The following CC2D2A variants were observed in gnomAD, a reference collection of about 807,000 sequenced individuals.
CC2D2A encodes the protein coiled-coil and C2 domain-containing protein 2A.
Under a neutral mutation model 212.9 loss-of-function variants are expected in CC2D2A, and 155 were observed. The ratio of observed to expected loss-of-function variants is 0.73; its 90% CI spans 0.64 to 0.83. The LOEUF (loss-of-function observed/expected upper bound fraction) is 0.83. CC2D2A is among the 40% of genes least tolerant of loss of function. The probability of loss-of-function intolerance (pLI) is 0.00; values close to 1 mark genes in which losing one functional copy is unlikely to be tolerated. For missense variants in CC2D2A, 1,856 were observed against 1,956.2 expected, an observed-to-expected ratio of 0.95 and a Z score of 0.97; for synonymous variants, 667 against 686.5, an observed-to-expected ratio of 0.97 and a Z score of 0.44.
chr4:15,502,029 C>G (rs111877356), intron 4 of CC2D2A, among the ~76,000 whole-genome samples: 20 of 152,308 alleles, frequency 1.3e-4, no homozygotes, highest in Non-Finnish European at 2.8e-4. Context: ...TCATTAGCCA[C>G]CCATTCACCC....
In CC2D2A at chr4:15,569,346, T is replaced by C. The variant is rs863225170; in HGVS notation, c.3452T>C (p.Val1151Ala). The change falls in exon 27 of 37, where the codon GTG becomes GCG. Residue 1151 changes from valine to alanine, a missense_variant. Physicochemically the swap from Val to Ala is moderately conservative, Grantham distance 64 (BLOSUM62 0). Transcript: ENST00000424120. ...TASLQSVKDV[V>A]FINIFDEVLH... The stretch of plus-strand genomic sequence containing the variant: ...AGTCTGCAGTCAGTGAAAGATGTTG[T>C]GTTCATTAACATTTTTGATGAAGTA... 27 of 1,582,322 alleles carry C rather than the reference T, an allele frequency of 1.7e-5. No individual in the cohort carries two copies. The highest frequency in any genetic ancestry group is 2.2e-5 in the Non-Finnish European group (26 of 1,162,538).
chr4:15,526,639 C>G (rs894097775), intron 11 of CC2D2A, among the ~76,000 whole-genome samples: 4 of 152,098 alleles, frequency 2.6e-5, no homozygotes, highest in African/African-American at 9.7e-5. Context: ...AAGGAAGGAT[C>G]AAGTGATGTC....
chr4:15,595,376 C>T (rs1382490162), intron 33 of CC2D2A, among the ~76,000 whole-genome samples: 3 of 152,064 alleles, frequency 2.0e-5, no homozygotes, highest in Non-Finnish European at 2.9e-5. Flanking sequence ...AATGTGGACA[C>T]GAATAGACAG....
chr4:15,498,056 G>A (rs1449777088), intron 4 of CC2D2A, among the ~76,000 whole-genome samples: 1 of 152,184 alleles, frequency 6.6e-6, no homozygotes, highest in Non-Finnish European at 1.5e-5. Context: ...AAAATGGAGA[G>A]TGTCCACTAT....
intron 31 of CC2D2A, among the ~76,000 whole-genome samples, chr4:15,587,596 T>C (rs963623213): frequency 6.6e-6 from 1 of 152,192 alleles, no homozygotes; most frequent in African/African-American, 2.4e-5. Flanking sequence ...TGAGTATTGA[T>C]TCTAGAAATC....
In CC2D2A at chr4:15,500,099, G is replaced by GTATACATATATATA. The variant is rs71179633; in HGVS notation, c.248-2329_248-2328insATACATATATATAT. On this transcript the variant is annotated intron_variant, in intron 4 of 36. Transcript: ENST00000424120. ...ATTGTGTGTGTGTGTGTGTGTGTGT[G>GTATACATATATATA]TGTGTGTGTATATATATATATATAT... Among the ~76,000 whole-genome samples the GTATACATATATATA allele has an allele frequency of 7.9e-3, 552 of 69,736 alleles. 14 individuals are homozygous for GTATACATATATATA. Among genetic ancestry groups the GTATACATATATATA allele is most frequent in the African/African-American group, 0.024 (534 of 22,368 alleles). 45.7% of individuals were successfully genotyped at this position (69,736 alleles called of 152,430 possible). A position where few individuals can be genotyped will look rare whatever the true frequency, so the allele number is the denominator to read the frequency against.
In CC2D2A at chr4:15,553,176, A is replaced by G. The variant is rs1719093439; in HGVS notation, c.2357A>G (p.Glu786Gly). 2 of 1,602,794 alleles carry G rather than the reference A, an allele frequency of 1.2e-6. No individual in the cohort carries two copies. Among genetic ancestry groups the G allele is most frequent in the Non-Finnish European group, 1.7e-6 (2 of 1,176,102 alleles). The change falls in exon 19 of 37, where the codon GAA (glutamate) becomes GGA (glycine). Residue 786 changes from glutamate to glycine, a missense_variant. Physicochemically the swap from Glu to Gly is moderately conservative, Grantham distance 98 (BLOSUM62 -2). This residue lies in a region of CC2D2A where 1,512 missense variants were observed against 1,579.3 expected (regional missense o/e 0.96). Coordinates refer to ENST00000424120, the MANE Select transcript of CC2D2A (RefSeq NM_001378615.1). ...GVGSGVPFSF[E>G]ADGSNQLTLM... ...TCCCCAGGAGTGCCCTTCTCATTTG[A>G]AGCTGATGGCAGTAACCAGCTGACT...
intron 11 of CC2D2A, among the ~76,000 whole-genome samples, chr4:15,521,643 C>A (rs1308675965): frequency 6.6e-6 from 1 of 152,210 alleles, no homozygotes; most frequent in Non-Finnish European, 1.5e-5. Flanking sequence ...TCCTCTCTGG[C>A]TATGCTGAAA....
intron 30 of CC2D2A, among the ~76,000 whole-genome samples, chr4:15,581,479 T>G (rs1577393522): frequency 6.6e-6 from 1 of 152,230 alleles, no homozygotes; most frequent in African/African-American, 2.4e-5. Flanking sequence ...TCCTAATGAC[T>G]ATAGCTGGGT....
In CC2D2A at chr4:15,542,045, C is replaced by T. The variant is rs142225298; in HGVS notation, c.2181+1031C>T. On this transcript the variant is annotated intron_variant, in intron 17 of 36. Transcript: ENST00000424120. ...TAACTCTAATCTCTGCTTCCATCTT[C>T]ACATAGCCTTCTCTGTGTCTCTCTC... Among the ~76,000 whole-genome samples, 827 of 152,210 alleles carry T rather than the reference C, an allele frequency of 5.4e-3. 13 individuals carry two copies. The highest frequency in any genetic ancestry group is 0.019 in the African/African-American group (795 of 41,534).
intron 30 of CC2D2A, among the ~76,000 whole-genome samples, chr4:15,583,661 AAC>A (rs958907573): frequency 6.6e-6 from 1 of 152,186 alleles, no homozygotes; most frequent in African/African-American, 2.4e-5. Context: ...GAAAATTACA[AAC>A]ACTGGGCTCA....
chr4:15,503,820 C>T (rs116510008), intron 6 of CC2D2A, among the ~76,000 whole-genome samples: 2,788 of 152,208 alleles, frequency 0.018, 69 homozygotes, highest in African/African-American at 0.064. Flanking sequence ...CCTGGAAAAA[C>T]AGATTTAGGA....
chr4:15,470,623 G>T (rs1295771544), intron 1 of CC2D2A, among the ~76,000 whole-genome samples: 2 of 140,446 alleles, frequency 1.4e-5, no homozygotes, highest in Non-Finnish European at 3.0e-5. Context: ...AACCTTTTCT[G>T]CAAATAAATT....
chr4:15,506,352 C>G (rs1049321500), intron 6 of CC2D2A, among the ~76,000 whole-genome samples: 1 of 152,124 alleles, frequency 6.6e-6, no homozygotes, highest in African/African-American at 2.4e-5. Flanking sequence ...TAAATCACAT[C>G]AATGAAATTA....
chr4:15,534,863 C>T (rs1261136625), intron 14 of CC2D2A, among the ~76,000 whole-genome samples: 2 of 152,028 alleles, frequency 1.3e-5, no homozygotes, highest in Admixed American at 6.6e-5. Context: ...GAGCACCTGC[C>T]ACTTAGTATC....
intron 16 of CC2D2A, among the ~76,000 whole-genome samples, chr4:15,538,703 AAG>A (rs1238498327): frequency 6.6e-6 from 1 of 152,260 alleles, no homozygotes; most frequent in Non-Finnish European, 1.5e-5. Context: ...CTTGATGCCT[AAG>A]AGAAACATCA....
At chr4:15,591,851 A>G (rs1486410660) in intron 33 of CC2D2A, among the ~76,000 whole-genome samples, 4 of 152,196 alleles carry the variant, frequency 2.6e-5, no homozygotes, top group Admixed American at 2.0e-4. Context: ...AACAATTACT[A>G]TATGGTTGAC....
chr4:15,478,332 G>A (rs2108969351), intron 2 of CC2D2A, among the ~76,000 whole-genome samples: 1 of 152,328 alleles, frequency 6.6e-6, no homozygotes, highest in Non-Finnish European at 1.5e-5. Context: ...TGATTGTGAT[G>A]TCTGTCCTAG....
At position 15,515,861 on chromosome 4, in the gene CC2D2A, G is replaced by A. The variant is rs1285046479; in HGVS notation, c.881-7G>A. 11 of 1,549,220 alleles carry A rather than the reference G, an allele frequency of 7.1e-6. No homozygotes were observed. The East Asian group carries it at 1.2e-4, about 17-fold the overall frequency. On this transcript the variant is annotated splice_polypyrimidine_tract_variant and splice_region_variant and intron_variant, in intron 9 of 36. Coordinates refer to ENST00000424120, the MANE Select transcript of CC2D2A (RefSeq NM_001378615.1). ...ATGTTTATTTTATTTATTTATAAACGATCTAGTCCCTACATATAAAAAGCT... is the reference window on the plus strand; with the variant it reads ...ATGTTTATTTTATTTATTTATAAACAATCTAGTCCCTACATATAAAAAGCT...
Sources: gnomAD v4.1 joint callset for allele counts (sites outside exome capture counted in the v4.1 genomes callset) on GRCh38, gnomAD v4.1.1 for gene constraint, gnomAD v4.1.1 regional missense constraint, MANE v1.5 for transcripts, NCBI Gene and HGNC (gene_info 2026-07-23, HGNC 2026-07-21) for gene names.